The following CYP20A1 variants were observed in gnomAD, a reference collection of about 807,000 sequenced individuals.
The protein encoded by CYP20A1 is cytochrome P450 20A1.
A neutral mutation model predicts 61.4 loss-of-function variants in CYP20A1; 61 were observed. The ratio of observed to expected loss-of-function variants is 0.99; its 90% CI spans 0.81 to 1.23. The LOEUF is 1.23. Ranked by LOEUF, CYP20A1 falls within the 50% of genes most tolerant of loss-of-function variation. CYP20A1 has a pLI of 0.00. For missense variants in CYP20A1, 530 were observed against 542.4 expected, an observed-to-expected ratio of 0.98 and a Z score of 0.23; for synonymous variants, 193 against 188.2, an observed-to-expected ratio of 1.03 and a Z score of -0.21.
intron 5 of CYP20A1, among the ~76,000 whole-genome samples, chr2:203,269,418 T>C (rs1175881238): frequency 1.3e-5 from 2 of 150,892 alleles, no homozygotes; most frequent in Non-Finnish European, 2.9e-5. Context: ...GATGATAGAG[T>C]GAGACCCTGT....
At position 203,297,713 on chromosome 2, in the gene CYP20A1, C is replaced by G. The variant is rs571718138; in HGVS notation, c.*805C>G. ...AGAAAATTGGCCGGGTGCGGTGGCTCACCCCTGTAATCCCAGTACTTTGGG... is the reference window on the plus strand; with the variant it reads ...AGAAAATTGGCCGGGTGCGGTGGCTGACCCCTGTAATCCCAGTACTTTGGG... On this transcript the variant is annotated 3_prime_UTR_variant, in exon 13 of 13. Transcript: ENST00000356079. The G allele has an allele frequency of 2.0e-5, 3 of 152,110 alleles. No individual in the cohort carries two copies. The highest frequency in any genetic ancestry group is 6.6e-5 in the Admixed American group (1 of 15,258). 9.4% of individuals were successfully genotyped at this position (152,110 alleles called of 1,614,324 possible).
At chr2:203,265,701 G>T (rs2067295636) in intron 4 of CYP20A1, among the ~76,000 whole-genome samples, 1 of 151,830 alleles carries the variant, frequency 6.6e-6, no homozygotes, top group Non-Finnish European at 1.5e-5. Context: ...TTGTTTGGTT[G>T]GTTTTTTGAG....
chr2:203,303,147 T>C lies in CYP20A1; in HGVS notation c.*6239T>C, dbSNP rs892478137. 6.6e-6 allele frequency among the ~76,000 whole-genome samples: 1 copy of C among 151,890 alleles called. No individual in the cohort carries two copies. Among genetic ancestry groups the C allele is most frequent in the Non-Finnish European group, 1.5e-5 (1 of 67,988 alleles). ...TCCTGAGTAGCTGAGACTACGGGTA[T>C]GTGCCACTACACTCAGCTAATTTTT... On this transcript the variant is annotated 3_prime_UTR_variant, in exon 13 of 13. Coordinates refer to ENST00000356079, the MANE Select transcript of CYP20A1 (RefSeq NM_177538.3).
intron 1 of CYP20A1, among the ~76,000 whole-genome samples, chr2:203,241,010 T>C (rs895740069): frequency 6.6e-6 from 1 of 152,216 alleles, no homozygotes; most frequent in African/African-American, 2.4e-5. Flanking sequence ...ATATTATCAT[T>C]TCAGCTTGGA....
At chr2:203,281,774 C>T (rs1294993386) in intron 8 of CYP20A1, among the ~76,000 whole-genome samples, 1 of 151,966 alleles carries the variant, frequency 6.6e-6, no homozygotes, top group East Asian at 1.9e-4. Flanking sequence ...GCACTCCAGC[C>T]TGGGTGACAG....
chr2:203,295,645 T>A (rs940372588), intron 11 of CYP20A1, among the ~76,000 whole-genome samples: 1 of 152,160 alleles, frequency 6.6e-6, no homozygotes, highest in African/African-American at 2.4e-5. Context: ...TTTGCATCTA[T>A]CATTTAGAAA....
At chr2:203,245,338 TAAA>T (rs35335666) in intron 1 of CYP20A1, among the ~76,000 whole-genome samples, 45 of 144,636 alleles carry the variant, frequency 3.1e-4, no homozygotes, top group African/African-American at 1.1e-3. Context: ...AATCATTCTT[TAAA>T]AAAAAATTTT....
intron 1 of CYP20A1, among the ~76,000 whole-genome samples, chr2:203,244,732 C>CT (rs35996822): frequency 6.7e-4 from 83 of 123,204 alleles, no homozygotes; most frequent in African/African-American, 2.0e-3. Flanking sequence ...TGAAATAATT[C>CT]TTTTTTTTTT....
At position 203,266,576 on chromosome 2, in the gene CYP20A1, C is replaced by T; in HGVS notation, c.495C>T (p.Ser165=). The T allele has an allele frequency of 1.9e-6, 3 of 1,613,866 alleles. No homozygotes were observed. Among genetic ancestry groups the T allele is most frequent in the Non-Finnish European group, 2.5e-6 (3 of 1,179,822 alleles). ...CAGAGACCCAGCACGTGCCCCTCAG[C>T]CAGCATATGCTTGGTTTTGCTATGA... ...SYPETQHVPL[S]QHMLGFAMKS... The change falls in exon 5 of 13, where the codon AGC becomes AGT. Residue 165 remains serine (S), a synonymous_variant. Transcript: ENST00000356079.
intron 8 of CYP20A1, among the ~76,000 whole-genome samples, chr2:203,282,086 G>A (rs2068065877): frequency 7.6e-6 from 1 of 131,848 alleles, no homozygotes. Context: ...CACCCAGGCT[G>A]TAGTGCAATT....
rs2068459205 is a variant in CYP20A1, at chr2:203,289,891, A to G, written c.1083+15A>G. The G allele has an allele frequency of 2.4e-6, 3 of 1,271,826 alleles. No individual in the cohort carries two copies. Among genetic ancestry groups the G allele is most frequent in the South Asian group, 2.6e-5 (2 of 77,272 alleles). 78.8% of individuals were successfully genotyped at this position (1,271,826 alleles called of 1,614,324 possible). Reference sequence around the variant, plus strand: ...TTCCTAGAGAGGTAGAAAACCTTTAATATGTTTAATTCATTCAGCTATTCT... The same window carrying G: ...TTCCTAGAGAGGTAGAAAACCTTTAGTATGTTTAATTCATTCAGCTATTCT... On this transcript the variant is annotated intron_variant, in intron 10 of 12. Coordinates refer to ENST00000356079, the MANE Select transcript of CYP20A1 (RefSeq NM_177538.3).
intron 4 of CYP20A1, among the ~76,000 whole-genome samples, chr2:203,252,837 C>T (rs78597325): frequency 5.9e-5 from 9 of 152,140 alleles, no homozygotes; most frequent in Middle Eastern, 3.2e-3. Context: ...CTCCCCACTT[C>T]GCGGTTGATG....
chr2:203,265,160 A>G (rs1394042663), intron 4 of CYP20A1, among the ~76,000 whole-genome samples: 1 of 152,172 alleles, frequency 6.6e-6, no homozygotes, highest in African/African-American at 2.4e-5. Context: ...GCAGTATTCA[A>G]ACTTAGGCCT....
chr2:203,300,485 T>G lies in CYP20A1; in HGVS notation c.*3577T>G, dbSNP rs2068976584. 6.6e-6 allele frequency among the ~76,000 whole-genome samples: 1 copy of G among 152,154 alleles called. No homozygotes were observed. The highest frequency in any genetic ancestry group is 6.6e-5 in the Admixed American group (1 of 15,264). On this transcript the variant is annotated 3_prime_UTR_variant, in exon 13 of 13. Coordinates refer to ENST00000356079, the MANE Select transcript of CYP20A1 (RefSeq NM_177538.3). ...TCAAGTTATTGAACTATCAAATGGG[T>G]TTTTAATTGATATTGAAGTAAGTAA...
rs1198450104 is a variant in CYP20A1 at position 203,297,010 on chromosome 2, A to G, written c.*102A>G. On this transcript the variant is annotated 3_prime_UTR_variant, in exon 13 of 13. Coordinates refer to ENST00000356079, the MANE Select transcript of CYP20A1 (RefSeq NM_177538.3). ...TTATAAACCAGTATCACTTTGTAAT[A>G]TAAACACCTATTTGTACTTAATTTT... 4.6e-6 allele frequency: 3 copies of G among 646,578 alleles called. No individual in the cohort carries two copies. Among genetic ancestry groups the G allele is most frequent in the Non-Finnish European group, 5.1e-6 (2 of 391,066 alleles). 40.1% of individuals were successfully genotyped at this position (646,578 alleles called of 1,614,324 possible). A position where few individuals can be genotyped will look rare whatever the true frequency, so the allele number is the denominator to read the frequency against.
At chr2:203,276,106 T>C (rs1264918943) in intron 6 of CYP20A1, among the ~76,000 whole-genome samples, 2 of 152,164 alleles carry the variant, frequency 1.3e-5, no homozygotes, top group African/African-American at 4.8e-5. Flanking sequence ...GATACCCAGA[T>C]GTTCAAAGGA....
chr2:203,264,962 C>T (rs2152073682), intron 4 of CYP20A1, among the ~76,000 whole-genome samples: 1 of 152,284 alleles, frequency 6.6e-6, no homozygotes, highest in Non-Finnish European at 1.5e-5. Context: ...ATCTCCTGAC[C>T]TTGTGATCTG....
At chr2:203,256,305 C>T (rs1430368150) in intron 4 of CYP20A1, among the ~76,000 whole-genome samples, 1 of 151,938 alleles carries the variant, frequency 6.6e-6, no homozygotes, top group African/African-American at 2.4e-5. Flanking sequence ...ACACCCCGTG[C>T]CTTTCCTTTA....
chr2:203,250,907 A>G (rs990908986), intron 3 of CYP20A1, among the ~76,000 whole-genome samples: 1 of 151,816 alleles, frequency 6.6e-6, no homozygotes, highest in Non-Finnish European at 1.5e-5. Flanking sequence ...CACTAAAAAT[A>G]CAAAAAATTA....
Sources: gnomAD v4.1 joint callset for allele counts (sites outside exome capture counted in the v4.1 genomes callset) on GRCh38, gnomAD v4.1.1 for gene constraint, MANE v1.5 for transcripts, NCBI Gene and HGNC (gene_info 2026-07-23, HGNC 2026-07-21) for gene names.